LINGO1: variants seen among roughly 807,000 people sequenced by gnomAD.
The protein encoded by LINGO1 is leucine-rich repeat and immunoglobulin-like domain-containing nogo receptor-interacting protein 1.
LINGO1 carries 11 observed loss-of-function variants against 37.3 expected under a neutral mutation model. That is an observed-to-expected ratio of 0.29 (90% CI 0.19 to 0.49). The LOEUF (loss-of-function observed/expected upper bound fraction) is 0.49, where lower values mean the gene tolerates loss of function less well. Among genes scored for constraint, LINGO1 ranks in the 20% least tolerant of loss-of-function variants. LINGO1 has a pLI of 0.99. For missense variants in LINGO1, 585 were observed against 878.2 expected, an observed-to-expected ratio of 0.67 and a Z score of 4.22; for synonymous variants, 387 against 403.0, an observed-to-expected ratio of 0.96 and a Z score of 0.48.
intron 1 of LINGO1, among the ~76,000 whole-genome samples, chr15:77,746,155 T>C (rs927220923): frequency 6.7e-6 from 1 of 149,538 alleles, no homozygotes; most frequent in African/African-American, 2.5e-5. Context: ...TTGCAGTGAG[T>C]TGTGTTCATG....
chr15:77,768,871 C>T (rs113970538), intron 1 of LINGO1, among the ~76,000 whole-genome samples: 77 of 152,344 alleles, frequency 5.1e-4, no homozygotes, highest in African/African-American at 1.8e-3. Context: ...TGAGGCACTG[C>T]AGCCTTGCGG....
intron 1 of LINGO1, among the ~76,000 whole-genome samples, chr15:77,771,361 A>T (rs1260458203): frequency 2.0e-5 from 3 of 152,220 alleles, no homozygotes; most frequent in Non-Finnish European, 4.4e-5. Context: ...CAAGGTCCCC[A>T]GTGATAAGGG....
intron 1 of LINGO1, among the ~76,000 whole-genome samples, chr15:77,811,901 TTCTC>T (rs1408104268): frequency 1.3e-5 from 2 of 151,972 alleles, no homozygotes; most frequent in Non-Finnish European, 2.9e-5. Flanking sequence ...CCCTGTACTA[TTCTC>T]TCTACTTTTT....
intron 3 of LINGO1, among the ~76,000 whole-genome samples, chr15:77,644,561 G>A (rs879928076): frequency 6.6e-6 from 1 of 152,232 alleles, no homozygotes; most frequent in Non-Finnish European, 1.5e-5. Flanking sequence ...AATACCAGGA[G>A]AGCAAGACAG....
intron 1 of LINGO1, among the ~76,000 whole-genome samples, chr15:77,695,740 C>T (rs952625716): frequency 1.3e-5 from 2 of 152,220 alleles, no homozygotes; most frequent in Admixed American, 1.3e-4. Context: ...GGCTGCCCAC[C>T]ATGCCGGCCG....
At chr15:77,802,673 C>T (rs994702953) in intron 1 of LINGO1, among the ~76,000 whole-genome samples, 3 of 152,106 alleles carry the variant, frequency 2.0e-5, no homozygotes, top group Admixed American at 6.5e-5. Context: ...GCAGGGACTG[C>T]GGGAACCAGC....
intron 1 of LINGO1, among the ~76,000 whole-genome samples, chr15:77,692,416 C>T (rs905787039): frequency 1.1e-4 from 17 of 152,114 alleles, no homozygotes; most frequent in Admixed American, 3.9e-4. Context: ...GAAACACGGA[C>T]GGAGAGTTTT....
At chr15:77,777,475 A>G (rs62007825) in intron 1 of LINGO1, among the ~76,000 whole-genome samples, 76,016 of 141,388 alleles carry the variant, frequency 0.54, 19,968 homozygotes, top group South Asian at 0.62. Context: ...GCACACACAC[A>G]CACACACACA....
At chr15:77,627,005 G>A (rs555594411) in intron 1 of LINGO1, among the ~76,000 whole-genome samples, 15 of 137,082 alleles carry the variant, frequency 1.1e-4, no homozygotes, top group Non-Finnish European at 1.9e-4. Context: ...CAGAAGAAGC[G>A]TGCTGGCCAG....
At chr15:77,730,522 C>T (rs1217419910) in intron 2 of LINGO1, among the ~76,000 whole-genome samples, 2 of 152,214 alleles carry the variant, frequency 1.3e-5, no homozygotes, top group African/African-American at 4.8e-5. Flanking sequence ...AGCGCCTGCC[C>T]CGTACCCGTC....
chr15:77,654,236 T>A (rs1401083731), intron 3 of LINGO1, among the ~76,000 whole-genome samples: 2 of 152,194 alleles, frequency 1.3e-5, no homozygotes, highest in Non-Finnish European at 1.5e-5. Context: ...GAAATTACCG[T>A]GAGTTGTTTG....
intron 1 of LINGO1, among the ~76,000 whole-genome samples, chr15:77,760,185 A>G (rs530323380): frequency 9.3e-5 from 14 of 150,398 alleles, no homozygotes; most frequent in African/African-American, 2.9e-4. Context: ...TGAAGGTAGC[A>G]GGGTGCCTGC....
intron 1 of LINGO1, among the ~76,000 whole-genome samples, chr15:77,630,264 C>T (rs2074215169): frequency 6.6e-6 from 1 of 152,132 alleles, no homozygotes; most frequent in Non-Finnish European, 1.5e-5. Context: ...CGAATGACTG[C>T]ACTGCCTTAT....
chr15:77,735,888 C>G (rs1325000540), intron 1 of LINGO1, among the ~76,000 whole-genome samples: 1 of 152,190 alleles, frequency 6.6e-6, no homozygotes, highest in Non-Finnish European at 1.5e-5. Context: ...ACATATCTTA[C>G]TCCCAGCAGC....
chr15:77,819,389 T>TGGCCGCGGCGGC (rs1461893883), intron 1 of LINGO1: 2 of 151,148 alleles, frequency 1.3e-5, no homozygotes, highest in African/African-American at 4.8e-5. Flanking sequence ...TCCGCGATGG[T>TGGCCGCGGCGGC]GGCCGCGGCG....
intron 1 of LINGO1, among the ~76,000 whole-genome samples, chr15:77,692,003 T>C (rs559872513): frequency 6.6e-6 from 1 of 152,328 alleles, no homozygotes; most frequent in African/African-American, 2.4e-5. Flanking sequence ...TGCGTGCTCC[T>C]GGCTCCATGG....
chr15:77,682,165 G>C (rs754604491), intron 2 of LINGO1, among the ~76,000 whole-genome samples: 7 of 128,542 alleles, frequency 5.4e-5, no homozygotes, highest in Non-Finnish European at 9.6e-5. Context: ...ATCTAAGATG[G>C]AGAAAAATTC....
intron 2 of LINGO1, among the ~76,000 whole-genome samples, chr15:77,719,808 TCA>T (rs1182391191): frequency 5.4e-5 from 8 of 147,438 alleles, no homozygotes; most frequent in South Asian, 2.2e-4. Context: ...ACACGCACAC[TCA>T]CACGCTTTCA....
At chr15:77,619,590 A>G (rs1001282573) in intron 1 of LINGO1, among the ~76,000 whole-genome samples, 1 of 152,106 alleles carries the variant, frequency 6.6e-6, no homozygotes, top group African/African-American at 2.4e-5. Flanking sequence ...GGGAGATTGA[A>G]GTGGGAGAAT....
Sources: gnomAD v4.1 joint callset for allele counts (sites outside exome capture counted in the v4.1 genomes callset) on GRCh38, gnomAD v4.1.1 for gene constraint, MANE v1.5 for transcripts, NCBI Gene and HGNC (gene_info 2026-07-23, HGNC 2026-07-21) for gene names.